MYO1D: variants seen among roughly 807,000 people sequenced by gnomAD.
MYO1D encodes unconventional myosin-Id.
MYO1D carries 83 observed loss-of-function variants against 122.0 expected under a neutral mutation model. The observed-to-expected ratio is 0.68, with a 90% CI of 0.57 to 0.82. MYO1D has a LOEUF of 0.82. MYO1D is among the 40% of genes least tolerant of loss of function. The pLI is 0.00. For missense variants in MYO1D, 1,157 were observed against 1,269.5 expected (o/e 0.91, Z 1.35); for synonymous variants, 464 against 446.9 (o/e 1.04, Z -0.48).
chr17:32,644,116 T>C (rs1199063041), intron 19 of MYO1D, among the ~76,000 whole-genome samples: 1 of 152,160 alleles, frequency 6.6e-6, no homozygotes, highest in Non-Finnish European at 1.5e-5. Flanking sequence ...GTATGTTGTG[T>C]CTTTGTTCTC....
At chr17:32,622,775 C>T (rs2087869754) in intron 20 of MYO1D, among the ~76,000 whole-genome samples, 1 of 152,184 alleles carries the variant, frequency 6.6e-6, no homozygotes, top group South Asian at 2.1e-4. Flanking sequence ...TTCTAGAGCA[C>T]CTGACTATGT....
chr17:32,734,351 CCTTT>C (rs1251063699), intron 14 of MYO1D, among the ~76,000 whole-genome samples: 1 of 151,850 alleles, frequency 6.6e-6, no homozygotes, highest in Non-Finnish European at 1.5e-5. Context: ...CAGTAATAGC[CCTTT>C]TTTTGTTCAT....
At position 32,676,710 on chromosome 17, in the gene MYO1D, T is replaced by C. The variant is rs1029317685; in HGVS notation, c.2122-17372A>G. On this transcript the variant is annotated intron_variant, in intron 16 of 21. Transcript: ENST00000318217. ...AAGAGACGGCTGAATAGAGGTTTCA[T>C]GTTCTGTGAAATAAATCTGTTACTC... Among the ~76,000 whole-genome samples, 19 of 152,218 alleles carry C rather than the reference T, an allele frequency of 1.2e-4. 1 individual carries two copies. Among genetic ancestry groups the C allele is most frequent in the Non-Finnish European group, 8.8e-5 (6 of 68,034 alleles).
intron 14 of MYO1D, among the ~76,000 whole-genome samples, chr17:32,725,177 A>G (rs1254894770): frequency 6.6e-6 from 1 of 152,170 alleles, no homozygotes; most frequent in African/African-American, 2.4e-5. Flanking sequence ...GAAAAATATA[A>G]TAAAGGAAAT....
chr17:32,730,904 CTTTT>C (rs754771399), intron 14 of MYO1D, among the ~76,000 whole-genome samples: 6 of 108,798 alleles, frequency 5.5e-5, no homozygotes, highest in Non-Finnish European at 1.2e-4. Flanking sequence ...TTCCACGTGT[CTTTT>C]TTTTTTTTTT....
chr17:32,823,583 A>G (rs894804861), intron 1 of MYO1D, among the ~76,000 whole-genome samples: 9 of 152,168 alleles, frequency 5.9e-5, no homozygotes, highest in African/African-American at 2.2e-4. Context: ...AATTTGGCGA[A>G]ATACACCTAG....
At position 32,631,352 on chromosome 17, in the gene MYO1D, T is replaced by A. The variant is rs1439591169; in HGVS notation, c.2709+7370A>T. 1.3e-5 allele frequency among the ~76,000 whole-genome samples: 2 copies of A among 152,132 alleles called. 1 individual carries two copies. Among genetic ancestry groups the A allele is most frequent in the Non-Finnish European group, 2.9e-5 (2 of 68,028 alleles). On this transcript the variant is annotated intron_variant, in intron 20 of 21. Transcript: ENST00000318217. ...TTAAAAAAACAGGTTTAAAAGGCAG[T>A]CTTTGGCTAGGTGTGGTGTGGCTCA...
intron 21 of MYO1D, among the ~76,000 whole-genome samples, chr17:32,586,409 C>T (rs1283439092): frequency 6.6e-6 from 1 of 152,128 alleles, no homozygotes; most frequent in Non-Finnish European, 1.5e-5. Flanking sequence ...GTGCAAATGA[C>T]ATTTTGAACC....
intron 1 of MYO1D, among the ~76,000 whole-genome samples, chr17:32,835,188 T>G (rs1244583122): frequency 1.3e-5 from 2 of 151,914 alleles, no homozygotes; most frequent in African/African-American, 4.8e-5. Context: ...GGTTTTGTGT[T>G]TGTTTGTTTT....
intron 20 of MYO1D, among the ~76,000 whole-genome samples, chr17:32,635,690 C>G (rs2088088790): frequency 6.6e-6 from 1 of 152,040 alleles, no homozygotes; most frequent in Non-Finnish European, 1.5e-5. Flanking sequence ...AAGACTCCGT[C>G]TCGGGTGGCG....
At chr17:32,684,713 C>A (rs1253629498) in intron 16 of MYO1D, among the ~76,000 whole-genome samples, 1 of 152,132 alleles carries the variant, frequency 6.6e-6, no homozygotes, top group Non-Finnish European at 1.5e-5. Context: ...CATGTATTTT[C>A]TCAAGTCTGA....
intron 21 of MYO1D, among the ~76,000 whole-genome samples, chr17:32,585,712 T>C (rs1299040073): frequency 2.1e-5 from 3 of 142,712 alleles, no homozygotes; most frequent in African/African-American, 5.3e-5. Context: ...CACTCCAGTC[T>C]GGGCAACAGA....
Position 32,705,238 on chromosome 17 carries a change from A to C in MYO1D, c.2121+6750T>G, listed in dbSNP as rs572595044. Among the ~76,000 whole-genome samples the C allele has an allele frequency of 6.6e-5, 10 of 152,292 alleles. No individual in the cohort carries two copies. In the South Asian group the frequency reaches 2.1e-3, roughly 32 times the overall value. On this transcript the variant is annotated intron_variant, in intron 16 of 21. Transcript: ENST00000318217. ...GGGCTGACTGTATACTAAGAGGAAC[A>C]ATATGCACTAAACAGATTATCTGTA... is the stretch of plus-strand genomic sequence containing the variant.
At chr17:32,643,045 T>C (rs1000239056) in intron 19 of MYO1D, among the ~76,000 whole-genome samples, 1 of 152,206 alleles carries the variant, frequency 6.6e-6, no homozygotes, top group Non-Finnish European at 1.5e-5. Flanking sequence ...TTCAGTATGA[T>C]ATTGGCTGTG....
At position 32,749,017 on chromosome 17, in the gene MYO1D, A is replaced by C. The variant is rs749420656; in HGVS notation, c.1468-11T>G. The C allele has an allele frequency of 1.2e-6, 2 of 1,606,734 alleles. No individual in the cohort carries two copies. The highest frequency in any genetic ancestry group is 4.5e-5 in the East Asian group (2 of 44,850). Reference sequence around the variant, plus strand: ...GTCTGAGGCACAGAGCTAAGGAATCAAGAAGGATATTATTTTGAAAACAGA... The same window carrying C: ...GTCTGAGGCACAGAGCTAAGGAATCCAGAAGGATATTATTTTGAAAACAGA... On this transcript the variant is annotated splice_polypyrimidine_tract_variant and intron_variant, in intron 11 of 21. Coordinates refer to ENST00000318217, the MANE Select transcript of MYO1D (RefSeq NM_015194.3).
At chr17:32,520,974 G>C (rs1910116048) in intron 21 of MYO1D, among the ~76,000 whole-genome samples, 1 of 152,220 alleles carries the variant, frequency 6.6e-6, no homozygotes, top group African/African-American at 2.4e-5. Flanking sequence ...CAGCTGCTGA[G>C]AACATAGGGC....
At chr17:32,638,588 T>C in intron 20 of MYO1D, 134 bp downstream of exon 20, 2 of 557,978 alleles carry the variant, frequency 3.6e-6, no homozygotes, top group South Asian at 3.3e-5. Context: ...ACAAAACATA[T>C]GACACATAAA....
chr17:32,758,686 ATG>A (rs1163829708), intron 10 of MYO1D, among the ~76,000 whole-genome samples: 2 of 152,086 alleles, frequency 1.3e-5, no homozygotes, highest in Non-Finnish European at 2.9e-5. Context: ...TGTCTTCTTA[ATG>A]TGTGTTTAAA....
intron 8 of MYO1D, among the ~76,000 whole-genome samples, chr17:32,763,623 T>C (rs2090024917): frequency 6.6e-6 from 1 of 152,018 alleles, no homozygotes; most frequent in Non-Finnish European, 1.5e-5. Context: ...AAATTTAAAG[T>C]TTAAAATAAA....
Sources: allele counts gnomAD v4.1 joint callset (sites outside exome capture counted in the v4.1 genomes callset), GRCh38; gene constraint gnomAD v4.1.1; transcripts MANE v1.5; gene names NCBI Gene and HGNC (gene_info 2026-07-23, HGNC 2026-07-21).